The following DTX3L variants were observed in gnomAD, a reference collection of about 807,000 sequenced individuals.
The protein encoded by DTX3L is deltex E3 ubiquitin ligase 3L.
In DTX3L, 34 loss-of-function variants were observed where a neutral mutation model predicts 60.9. The ratio of observed to expected loss-of-function variants is 0.56; its 90% CI spans 0.42 to 0.74. DTX3L has a LOEUF of 0.74. Ranked by LOEUF, DTX3L falls within the 30% of genes least tolerant of loss-of-function variation. The pLI, the probability that DTX3L is intolerant of heterozygous loss-of-function variation, is 0.00. For synonymous variants in DTX3L, 290 were observed against 316.6 expected, an observed-to-expected ratio of 0.92 and a Z score of 0.89; for missense variants, 810 against 874.0, an observed-to-expected ratio of 0.93 and a Z score of 0.92.
rs1183649104 is a variant in DTX3L, at chr3:122,575,200, C to T, written c.*3453C>T. On this transcript the variant is annotated 3_prime_UTR_variant, in exon 5 of 5. Transcript: ENST00000296161. ...TTTAAATAAAGTTAAAGATTTGGAA[C>T]AAATTGTGTTCTTTCCCTTGCTTCT... The T allele has an allele frequency of 6.6e-6, 1 of 152,154 alleles. No individual in the cohort carries two copies. Among genetic ancestry groups the T allele is most frequent in the African/African-American group, 2.4e-5 (1 of 41,440 alleles). 9.4% of individuals were successfully genotyped at this position (152,154 alleles called of 1,614,324 possible).
intron 3 of DTX3L, 174 bp downstream of exon 3, chr3:122,570,198 C>G: frequency 1.3e-6 from 1 of 778,422 alleles, no homozygotes; most frequent in Non-Finnish European, 2.0e-6. Context: ...AATTCAAATA[C>G]CTTTTGTGTC....
chr3:122,564,640 A>C, intron 1 of DTX3L, 27 bp downstream of exon 1: 3 of 1,577,494 alleles, frequency 1.9e-6, no homozygotes, highest in Non-Finnish European at 2.6e-6. Flanking sequence ...CAGGCTGCGA[A>C]AGCCCTCTGG....
At chr3:122,570,697 G>A in intron 4 of DTX3L, 25 bp downstream of exon 4, 1 of 1,610,520 alleles carries the variant, frequency 6.2e-7, no homozygotes, top group Non-Finnish European at 8.5e-7. Flanking sequence ...GGATGTAATG[G>A]CTGCTCAACA....
intron 4 of DTX3L, among the ~76,000 whole-genome samples, chr3:122,571,335 A>G (rs1325862388): frequency 1.3e-5 from 2 of 152,242 alleles, no homozygotes; most frequent in African/African-American, 2.4e-5. Flanking sequence ...AAGAATTAAC[A>G]TAGACATGAA....
In DTX3L at chr3:122,574,683, G is replaced by A. The variant is rs1011550374; in HGVS notation, c.*2936G>A. 1.3e-5 allele frequency: 2 copies of A among 152,416 alleles called. No homozygotes were observed. Among genetic ancestry groups the A allele is most frequent in the Admixed American group, 1.3e-4 (2 of 15,310 alleles). The allele number at this position is 152,416 out of a possible 1,614,324, so 9.4% of individuals were successfully genotyped here. ...TTAATAAGTGGAAATGCTGGGGTAT[G>A]AACCAGGTAGTCTGCCCCCATAGCT... On this transcript the variant is annotated 3_prime_UTR_variant, in exon 5 of 5. Transcript: ENST00000296161.
intron 3 of DTX3L, 57 bp from the exon 4 acceptor site, chr3:122,570,398 A>G: frequency 6.5e-7 from 1 of 1,530,908 alleles, no homozygotes; most frequent in South Asian, 1.1e-5. Flanking sequence ...ATCTATACCT[A>G]TAGTAAAAAT....
rs1424780045 is a variant in DTX3L, at chr3:122,572,692, C to T, written c.*945C>T. The stretch of plus-strand genomic sequence containing the variant: ...TCCCGGGTTCAAGCGATTCTCCTGC[C>T]TCAGCCTCCTGAGTAGCTGGGATTA... On this transcript the variant is annotated 3_prime_UTR_variant, in exon 5 of 5. Transcript: ENST00000296161. The T allele has an allele frequency of 6.6e-6, 1 of 152,296 alleles. No individual in the cohort carries two copies. The highest frequency in any genetic ancestry group is 6.5e-5 in the Admixed American group (1 of 15,280). The allele number at this position is 152,296 out of a possible 1,614,324, so 9.4% of individuals were successfully genotyped here. A position where few individuals can be genotyped will look rare whatever the true frequency, so the allele number is the denominator to read the frequency against.
chr3:122,571,270 A>T (rs2080644146), intron 4 of DTX3L, among the ~76,000 whole-genome samples: 1 of 152,184 alleles, frequency 6.6e-6, no homozygotes, highest in Non-Finnish European at 1.5e-5. Context: ...CCTAAAACAC[A>T]GTATATTATT....
Position 122,564,466 on chromosome 3 carries a change from C to A in DTX3L, c.40C>A (p.Arg14=). ...HLRPPSPLLV[R]VYKSGPRVRR... ...GCGCCCGCCGTCCCCGCTCCTCGTG[C>A]GGGTGTACAAGTCCGGCCCCCGAGT... is the stretch of plus-strand genomic sequence containing the variant. The change falls in exon 1 of 5, where the codon CGG becomes AGG. Residue 14 remains arginine (R), a synonymous_variant. Coordinates refer to ENST00000296161, the MANE Select transcript of DTX3L (RefSeq NM_138287.3). The A allele has an allele frequency of 1.2e-6, 2 of 1,612,316 alleles. No homozygotes were observed. The highest frequency in any genetic ancestry group is 1.7e-6 in the Non-Finnish European group (2 of 1,179,292).
Position 122,570,654 on chromosome 3 carries a change from G to A in DTX3L, c.2135G>A (p.Arg712Gln), listed in dbSNP as rs775056708. The A allele has an allele frequency of 1.5e-5, 25 of 1,614,046 alleles. No homozygotes were observed. The Admixed American group carries it at 1.8e-4, about 12-fold the overall frequency. Residue 712 changes from arginine to glutamine, a missense_variant, in exon 4 of 5, where the codon CGG (arginine) becomes CAG (glutamine). Physicochemically the swap from Arg to Gln is conservative, Grantham distance 43 (BLOSUM62 1). Coordinates refer to ENST00000296161, the MANE Select transcript of DTX3L (RefSeq NM_138287.3). ...TWNDIHHKTSRFGGPEMYGYP... is the reference protein window; with the variant it reads ...TWNDIHHKTSQFGGPEMYGYP... Reference sequence around the variant, plus strand: ...AATGATATTCACCACAAAACATCCCGGTTTGGAGGACCAGAAATGTGAGAT... The same window carrying A: ...AATGATATTCACCACAAAACATCCCAGTTTGGAGGACCAGAAATGTGAGAT...
intron 4 of DTX3L, among the ~76,000 whole-genome samples, chr3:122,571,062 T>C (rs1334536377): frequency 6.6e-6 from 1 of 152,152 alleles, no homozygotes; most frequent in Non-Finnish European, 1.5e-5. Context: ...TGAAATCACT[T>C]GGCCAATAAT....
At chr3:122,567,640 A>G (rs1023241796) in intron 2 of DTX3L, among the ~76,000 whole-genome samples, 2 of 152,202 alleles carry the variant, frequency 1.3e-5, no homozygotes, top group Non-Finnish European at 2.9e-5. Context: ...GTTTAGTTGA[A>G]ACAAGAATAA....
Position 122,571,972 on chromosome 3 carries a change from G to A in DTX3L, c.*225G>A, listed in dbSNP as rs556802736. 3.4e-6 allele frequency: 1 copy of A among 296,412 alleles called. No individual in the cohort carries two copies. The highest frequency in any genetic ancestry group is 2.1e-5 in the African/African-American group (1 of 47,136). The allele number at this position is 296,412 out of a possible 1,614,324, so 18.4% of individuals were successfully genotyped here. ...CGCTCGCGCTGGAGTGCAGTGGCAT[G>A]ATCTCGGCTCACTGCAAGCTCCGCC... On this transcript the variant is annotated 3_prime_UTR_variant, in exon 5 of 5. Coordinates refer to ENST00000296161, the MANE Select transcript of DTX3L (RefSeq NM_138287.3).
At position 122,564,350 on chromosome 3, in the gene DTX3L, C is replaced by T; in HGVS notation, c.-77C>T. 1 of 1,474,566 alleles carries T rather than the reference C, an allele frequency of 6.8e-7. No individual in the cohort carries two copies. Among genetic ancestry groups the T allele is most frequent in the Non-Finnish European group, 9.1e-7 (1 of 1,104,474 alleles). The allele number at this position is 1,474,566 out of a possible 1,614,324, so 91.3% of individuals were successfully genotyped here. A position where few individuals can be genotyped will look rare whatever the true frequency, so the allele number is the denominator to read the frequency against. ...GGGAAGCGAAACTGAAACTTTGCGC[C>T]CAGTCCGCAGGGCGGGCCGCGCCTT... On this transcript the variant is annotated 5_prime_UTR_variant, in exon 1 of 5. Coordinates refer to ENST00000296161, the MANE Select transcript of DTX3L (RefSeq NM_138287.3).
Position 122,571,668 on chromosome 3 carries a change from GT to G in DTX3L, c.2154-7del. 6.2e-7 allele frequency: 1 copy of G among 1,603,948 alleles called. No individual in the cohort carries two copies. Among genetic ancestry groups the G allele is most frequent in the Non-Finnish European group, 8.5e-7 (1 of 1,174,960 alleles). ...TTGTGGTGACACTAAAGGAATTTTT[GT>G]TTCTTCAGGTATGGCTATCCTGATC... On this transcript the variant is annotated splice_polypyrimidine_tract_variant and intron_variant, in intron 4 of 4. Transcript: ENST00000296161.
chr3:122,567,374 G>A (rs554421080), intron 2 of DTX3L, among the ~76,000 whole-genome samples: 61 of 152,296 alleles, frequency 4.0e-4, no homozygotes, highest in African/African-American at 1.5e-3. Context: ...TGCGCCAGGT[G>A]AAAGATGATA....
Position 122,568,794 on chromosome 3 carries a change from T to C in DTX3L, c.705T>C (p.Tyr235=). 1 of 1,614,064 alleles carries C rather than the reference T, an allele frequency of 6.2e-7. No homozygotes were observed. Among genetic ancestry groups the C allele is most frequent in the South Asian group, 1.1e-5 (1 of 91,064 alleles). ...PETKAEQKSN[Y]FEVPLPYFEY... ...CCAAGGCAGAACAAAAAAGCAACTATTTTGAAGTTCCCTTGCCTTACTTTG... is the reference window on the plus strand; with the variant it reads ...CCAAGGCAGAACAAAAAAGCAACTACTTTGAAGTTCCCTTGCCTTACTTTG... Residue 235 remains tyrosine, a synonymous_variant, in exon 3 of 5, where the codon TAT becomes TAC. Coordinates refer to ENST00000296161, the MANE Select transcript of DTX3L (RefSeq NM_138287.3).
chr3:122,567,345 T>C (rs966978120), intron 2 of DTX3L, among the ~76,000 whole-genome samples: 3 of 152,030 alleles, frequency 2.0e-5, no homozygotes, highest in African/African-American at 7.2e-5. Flanking sequence ...AGTTAGAGCC[T>C]GGTTAGGAGG....
At position 122,569,677 on chromosome 3, in the gene DTX3L, A is replaced by G; in HGVS notation, c.1588A>G (p.Ile530Val). The change falls in exon 3 of 5, where the codon ATT (isoleucine) becomes GTT (valine). Residue 530 changes from isoleucine (I) to valine (V), a missense_variant. By Grantham distance (29) the Ile-to-Val change is conservative (BLOSUM62 3). Coordinates refer to ENST00000296161, the MANE Select transcript of DTX3L (RefSeq NM_138287.3). ...LKEGHETPMD[I>V]DSDDSKAASP... The stretch of plus-strand genomic sequence containing the variant: ...AGAGGGTCATGAAACACCGATGGAC[A>G]TTGATAGCGATGATTCCAAAGCAGC... 5.0e-6 allele frequency: 8 copies of G among 1,614,216 alleles called. No homozygotes were observed. Among genetic ancestry groups the G allele is most frequent in the Middle Eastern group, 1.7e-4 (1 of 6,060 alleles).
Sources: gnomAD v4.1 joint callset for allele counts (sites outside exome capture counted in the v4.1 genomes callset) on GRCh38, gnomAD v4.1.1 for gene constraint, MANE v1.5 for transcripts, NCBI Gene and HGNC (gene_info 2026-07-23, HGNC 2026-07-21) for gene names.